HECTD2: variants seen among roughly 807,000 people sequenced by gnomAD.
HECTD2 encodes HECT domain E3 ubiquitin protein ligase 2.
A neutral mutation model predicts 103.2 loss-of-function variants in HECTD2; 35 were observed. The ratio of observed to expected loss-of-function variants is 0.34; its 90% CI spans 0.26 to 0.45. HECTD2 has a LOEUF of 0.45. HECTD2 is among the 20% of genes least tolerant of loss of function. The probability of loss-of-function intolerance (pLI) is 1.00; values close to 1 mark genes in which losing one functional copy is unlikely to be tolerated. For synonymous variants in HECTD2, 281 were observed against 329.9 expected (o/e 0.85, Z 1.61); for missense variants, 596 against 937.4 (o/e 0.64, Z 4.76).
rs1225358717 is a variant in HECTD2 at position 91,512,562 on chromosome 10, A to T, written c.*178A>T. ...TCAGCAAAGGCATAATTTTCTAAAAACACACACAGAAATCGCTTGAGTGAG... is the reference window on the plus strand; with the variant it reads ...TCAGCAAAGGCATAATTTTCTAAAATCACACACAGAAATCGCTTGAGTGAG... On this transcript the variant is annotated 3_prime_UTR_variant, in exon 21 of 21. Transcript: ENST00000298068. 1 of 578,334 alleles carries T rather than the reference A, an allele frequency of 1.7e-6. No homozygotes were observed. Among genetic ancestry groups the T allele is most frequent in the African/African-American group, 1.9e-5 (1 of 53,862 alleles). The allele number at this position is 578,334 out of a possible 1,614,324, so 35.8% of individuals were successfully genotyped here.
chr10:91,415,382 A>G (rs184203800), intron 1 of HECTD2, among the ~76,000 whole-genome samples: 1 of 152,316 alleles, frequency 6.6e-6, no homozygotes, highest in Admixed American at 6.5e-5. Flanking sequence ...AACTACAGAT[A>G]TTACAAATAT....
chr10:91,434,081 AT>A (rs1223199542), intron 2 of HECTD2, among the ~76,000 whole-genome samples: 2 of 152,010 alleles, frequency 1.3e-5, no homozygotes, highest in African/African-American at 4.8e-5. Flanking sequence ...TAAAAAGTAC[AT>A]CTCTAAAATC....
intron 20 of HECTD2, among the ~76,000 whole-genome samples, chr10:91,507,161 C>A (rs1589556064): frequency 2.0e-5 from 3 of 149,970 alleles, no homozygotes; most frequent in African/African-American, 7.4e-5. Flanking sequence ...AACCCACAGC[C>A]AATATCATAC....
At chr10:91,490,817 A>G (rs1395692423) in intron 11 of HECTD2, among the ~76,000 whole-genome samples, 7 of 144,938 alleles carry the variant, frequency 4.8e-5, no homozygotes, top group Non-Finnish European at 1.1e-4. Context: ...CATGAACCCA[A>G]GAGGCGGAGC....
intron 20 of HECTD2, among the ~76,000 whole-genome samples, chr10:91,504,733 T>C (rs1487357996): frequency 1.3e-5 from 2 of 151,640 alleles, no homozygotes; most frequent in South Asian, 4.2e-4. Flanking sequence ...ACTTCCCCAA[T>C]CTAGCAAGGC....
chr10:91,514,104 T>C lies in HECTD2; in HGVS notation c.*1720T>C, dbSNP rs1458541474. On this transcript the variant is annotated 3_prime_UTR_variant, in exon 21 of 21. Coordinates refer to ENST00000298068, the MANE Select transcript of HECTD2 (RefSeq NM_182765.6). ...TTGAACTAGAAAATCAGCTTTTTAA[T>C]GTAGGTTACCACTTATAAGCACAAA... is the stretch of plus-strand genomic sequence containing the variant. 6.6e-6 allele frequency: 1 copy of C among 152,640 alleles called. No individual in the cohort carries two copies. The highest frequency in any genetic ancestry group is 6.5e-5 in the Admixed American group (1 of 15,278). 9.5% of individuals were successfully genotyped at this position (152,640 alleles called of 1,614,324 possible).
chr10:91,483,037 T>A lies in HECTD2; in HGVS notation c.782T>A (p.Val261Glu). ...TTGCTACGACAGATAGCTACCTTAG[T>A]GGAAGCTGACCATCATTTCCTAGTT... ...AHLLRQIATL[V>E]EADHHFLVHW... Residue 261 changes from valine (V) to glutamate (E), a missense_variant, in exon 8 of 21, where the codon GTG becomes GAG. Physicochemically the swap from Val to Glu is moderately radical, Grantham distance 121. This residue lies in a region of HECTD2 where 303 missense variants were observed against 522.5 expected (regional missense o/e 0.58). Coordinates refer to ENST00000298068, the MANE Select transcript of HECTD2 (RefSeq NM_182765.6). 3 of 1,584,034 alleles carry A rather than the reference T, an allele frequency of 1.9e-6. No individual in the cohort carries two copies. The highest frequency in any genetic ancestry group is 1.1e-5 in the South Asian group (1 of 89,874).
chr10:91,484,361 T>C, intron 8 of HECTD2, 146 bp from the exon 9 acceptor site: 2 of 1,426,114 alleles, frequency 1.4e-6, no homozygotes, highest in Non-Finnish European at 1.9e-6. Flanking sequence ...ATTTTGTATC[T>C]TTTCAAATGT....
intron 2 of HECTD2, among the ~76,000 whole-genome samples, chr10:91,435,292 G>C (rs1844068415): frequency 6.6e-6 from 1 of 151,886 alleles, no homozygotes; most frequent in African/African-American, 2.4e-5. Context: ...ACATGTGGCA[G>C]AGCTGCAGTT....
chr10:91,457,806 A>G (rs1425189884), intron 2 of HECTD2, among the ~76,000 whole-genome samples: 2 of 151,986 alleles, frequency 1.3e-5, no homozygotes, highest in East Asian at 1.9e-4. Context: ...GAGTACCCTT[A>G]TATTGGTAAA....
chr10:91,427,188 T>G lies in HECTD2; in HGVS notation c.268+1778T>G, dbSNP rs1454003699. On this transcript the variant is annotated intron_variant, in intron 2 of 20. Transcript: ENST00000298068. ...CTACAAAGGACATGAACTCATCATT[T>G]TTTATGGCTGCATAGTATTCCACGG... Among the ~76,000 whole-genome samples the G allele has an allele frequency of 3.9e-5, 6 of 151,900 alleles. No homozygotes were observed. In the East Asian group the frequency reaches 1.2e-3, roughly 29 times the overall value.
At chr10:91,508,870 A>C (rs1221180392) in intron 20 of HECTD2, among the ~76,000 whole-genome samples, 2 of 152,040 alleles carry the variant, frequency 1.3e-5, no homozygotes, top group Non-Finnish European at 2.9e-5. Flanking sequence ...ACTTGGAACC[A>C]ACCCAAATGT....
chr10:91,418,523 A>G (rs1044267128), intron 1 of HECTD2, among the ~76,000 whole-genome samples: 1 of 152,166 alleles, frequency 6.6e-6, no homozygotes, highest in African/African-American at 2.4e-5. Flanking sequence ...TATAACTTAA[A>G]CCAATTCCAC....
intron 20 of HECTD2, among the ~76,000 whole-genome samples, chr10:91,503,710 A>G (rs1026473772): frequency 2.1e-4 from 32 of 152,304 alleles, no homozygotes; most frequent in Non-Finnish European, 3.1e-4. Flanking sequence ...AGGGGCGCCC[A>G]CCATTGCCCA....
chr10:91,497,975 C>A (rs907939896), intron 15 of HECTD2, 133 bp from the exon 16 acceptor site: 60 of 611,752 alleles, frequency 9.8e-5, no homozygotes, highest in Non-Finnish European at 1.7e-4. Context: ...AAATCATTAA[C>A]CATTTTGTGC....
At chr10:91,503,436 G>A (rs1007693588) in intron 20 of HECTD2, among the ~76,000 whole-genome samples, 11 of 151,444 alleles carry the variant, frequency 7.3e-5, no homozygotes, top group African/African-American at 2.4e-4. Context: ...TGCGCGAGCC[G>A]AAGCAGGGCG....
intron 2 of HECTD2, among the ~76,000 whole-genome samples, chr10:91,456,636 G>C (rs930726019): frequency 6.6e-6 from 1 of 152,094 alleles, no homozygotes; most frequent in Admixed American, 6.6e-5. Flanking sequence ...GGTGAGAGAG[G>C]GCATCCCTGT....
At chr10:91,431,661 G>A (rs1843878989) in intron 2 of HECTD2, among the ~76,000 whole-genome samples, 1 of 151,866 alleles carries the variant, frequency 6.6e-6, no homozygotes, top group African/African-American at 2.4e-5. Flanking sequence ...CTTTCTTCCA[G>A]TTGATCGCAT....
At chr10:91,434,630 T>C (rs1367499132) in intron 2 of HECTD2, among the ~76,000 whole-genome samples, 1 of 151,918 alleles carries the variant, frequency 6.6e-6, no homozygotes, top group South Asian at 2.1e-4. Context: ...TTGTTCTTCT[T>C]TTTTTGGGAC....
Sources: gnomAD v4.1 joint callset for allele counts (sites outside exome capture counted in the v4.1 genomes callset) on GRCh38, gnomAD v4.1.1 for gene constraint, gnomAD v4.1.1 regional missense constraint, MANE v1.5 for transcripts, NCBI Gene and HGNC (gene_info 2026-07-23, HGNC 2026-07-21) for gene names.